The following DCC variants were observed in gnomAD, a reference collection of about 807,000 sequenced individuals.
The protein encoded by DCC is netrin receptor DCC.
In DCC, 58 loss-of-function variants were observed where a neutral mutation model predicts 172.5. That is an observed-to-expected ratio of 0.34 (90% CI 0.27 to 0.42). The LOEUF is 0.42. Ranked by LOEUF, DCC falls within the 10% of genes least tolerant of loss-of-function variation. The pLI is 1.00. For synonymous variants in DCC, 709 were observed against 644.5 expected (o/e 1.10, Z -1.52); for missense variants, 1,740 against 1,791.0 (o/e 0.97, Z 0.51).
rs549974327 is a variant in DCC, at chr18:53,307,933, A to G, written c.2053+2214A>G. On this transcript the variant is annotated intron_variant, in intron 13 of 28. Transcript: ENST00000442544. Reference sequence around the variant, plus strand: ...TATATATATATATATATATATATATATATATATATATATATATGTATTTTA... The same window carrying G: ...TATATATATATATATATATATATATGTATATATATATATATATGTATTTTA... 1.1e-4 allele frequency among the ~76,000 whole-genome samples: 12 copies of G among 106,902 alleles called. 1 individual carries two copies. The highest frequency in any genetic ancestry group is 2.7e-4 in the South Asian group (1 of 3,738). The allele number at this position is 106,902 out of a possible 152,430, so 70.1% of individuals were successfully genotyped here.
At chr18:53,441,108 T>C (rs546568204) in intron 22 of DCC, among the ~76,000 whole-genome samples, 39 of 152,280 alleles carry the variant, frequency 2.6e-4, no homozygotes, top group Admixed American at 9.8e-4. Flanking sequence ...AATTTCCCCC[T>C]TGGCAGGGAG....
chr18:53,377,978 AT>A (rs1026124625), intron 15 of DCC, among the ~76,000 whole-genome samples: 2 of 151,960 alleles, frequency 1.3e-5, no homozygotes, highest in African/African-American at 2.4e-5. Context: ...TAATTAATTT[AT>A]TTTTTTAAGA....
At chr18:53,068,778 T>TGTGTGTGTGTGC (rs2042610335) in intron 7 of DCC, among the ~76,000 whole-genome samples, 1 of 150,770 alleles carries the variant, frequency 6.6e-6, no homozygotes, top group Non-Finnish European at 1.5e-5. Flanking sequence ...AGACTGTGTG[T>TGTGTGTGTGTGC]GTGTGTGTGT....
chr18:52,646,282 C>T (rs1246644314), intron 1 of DCC, among the ~76,000 whole-genome samples: 3 of 152,226 alleles, frequency 2.0e-5, no homozygotes, highest in Non-Finnish European at 2.9e-5. Flanking sequence ...CTACATTTTA[C>T]ATGTATGCAT....
intron 1 of DCC, among the ~76,000 whole-genome samples, chr18:52,583,029 G>A (rs770396567): frequency 6.6e-6 from 1 of 152,032 alleles, no homozygotes; most frequent in Non-Finnish European, 1.5e-5. Flanking sequence ...GAGTATCTGA[G>A]AGACAGAAAA....
chr18:52,558,929 C>T (rs975768656), intron 1 of DCC, among the ~76,000 whole-genome samples: 1 of 152,070 alleles, frequency 6.6e-6, no homozygotes, highest in Non-Finnish European at 1.5e-5. Context: ...ACAAGGAAAC[C>T]GAGGTTGGGA....
chr18:53,446,628 C>T (rs1568137259), intron 22 of DCC, among the ~76,000 whole-genome samples: 1 of 152,094 alleles, frequency 6.6e-6, no homozygotes, highest in Admixed American at 6.5e-5. Flanking sequence ...TGTGAATTTA[C>T]CTGCATGCTA....
chr18:53,140,677 A>G (rs1267747211), intron 7 of DCC, among the ~76,000 whole-genome samples: 1 of 152,208 alleles, frequency 6.6e-6, no homozygotes, highest in Non-Finnish European at 1.5e-5. Context: ...CTAGTAATCA[A>G]GAGACAAAAA....
At chr18:53,395,757 C>G (rs543092635) in intron 17 of DCC, among the ~76,000 whole-genome samples, 7 of 152,166 alleles carry the variant, frequency 4.6e-5, no homozygotes, top group Non-Finnish European at 1.0e-4. Flanking sequence ...ATTCTCCTGT[C>G]TCAGCCTCCC....
intron 22 of DCC, among the ~76,000 whole-genome samples, chr18:53,443,351 A>G (rs1335419240): frequency 6.6e-6 from 1 of 152,206 alleles, no homozygotes; most frequent in Non-Finnish European, 1.5e-5. Context: ...AAATGGTGCA[A>G]CAAAGTCTGG....
At chr18:52,544,155 C>T (rs773793100) in intron 1 of DCC, among the ~76,000 whole-genome samples, 3 of 152,250 alleles carry the variant, frequency 2.0e-5, no homozygotes, top group South Asian at 2.1e-4. Flanking sequence ...TTATCCCACC[C>T]GTGCCTAAAA....
intron 1 of DCC, among the ~76,000 whole-genome samples, chr18:52,740,116 ACC>A (rs2036796032): frequency 1.3e-5 from 2 of 152,128 alleles, no homozygotes; most frequent in African/African-American, 4.8e-5. Flanking sequence ...TTCACATTAG[ACC>A]ATGAATAAGT....
chr18:52,626,248 C>G (rs976971207), intron 1 of DCC, among the ~76,000 whole-genome samples: 1 of 152,094 alleles, frequency 6.6e-6, no homozygotes, highest in African/African-American at 2.4e-5. Context: ...CCTCCAGGTG[C>G]CATATAGATG....
chr18:53,148,452 A>G (rs1223905346), intron 7 of DCC, among the ~76,000 whole-genome samples: 2 of 152,264 alleles, frequency 1.3e-5, no homozygotes, highest in African/African-American at 2.4e-5. Flanking sequence ...TGGGAATTCA[A>G]TGACATAAAC....
In DCC at chr18:52,340,662, C is replaced by CGAG. The variant is rs953905035; in HGVS notation, c.-114_-112dup. The CGAG allele has an allele frequency of 2.6e-6, 2 of 781,728 alleles. No homozygotes were observed. Among genetic ancestry groups the CGAG allele is most frequent in the Admixed American group, 1.7e-5 (1 of 58,660 alleles). The allele number at this position is 781,728 out of a possible 1,614,324, so 48.4% of individuals were successfully genotyped here. ...TGGAGAAAGAGGTGGAGGAAGAGGA[C>CGAG]GAGGAGGAGGAGGAAGCCGAAGGGG... On this transcript the variant is annotated 5_prime_UTR_variant, in exon 1 of 29. Transcript: ENST00000442544.
At chr18:52,775,951 C>G (rs944559222) in intron 2 of DCC, among the ~76,000 whole-genome samples, 1 of 152,220 alleles carries the variant, frequency 6.6e-6, no homozygotes, top group Non-Finnish European at 1.5e-5. Flanking sequence ...TCTTCCCTTC[C>G]CAGCACTCCT....
intron 9 of DCC, among the ~76,000 whole-genome samples, chr18:53,184,673 A>G (rs1205070786): frequency 1.3e-5 from 2 of 152,148 alleles, no homozygotes; most frequent in Non-Finnish European, 2.9e-5. Flanking sequence ...ATATGATAGC[A>G]AGATGTCACT....
intron 1 of DCC, among the ~76,000 whole-genome samples, chr18:52,360,266 C>G (rs1222288873): frequency 6.6e-6 from 1 of 152,204 alleles, no homozygotes; most frequent in Non-Finnish European, 1.5e-5. Context: ...TTTTCACTAA[C>G]AAGTTATAAG....
chr18:52,762,629 G>C (rs2037181416), intron 2 of DCC, among the ~76,000 whole-genome samples: 1 of 152,148 alleles, frequency 6.6e-6, no homozygotes, highest in African/African-American at 2.4e-5. Context: ...TTTGAGACCA[G>C]TCTGAGCAAC....
Sources: gnomAD v4.1 joint callset for allele counts (sites outside exome capture counted in the v4.1 genomes callset) on GRCh38, gnomAD v4.1.1 for gene constraint, MANE v1.5 for transcripts, NCBI Gene and HGNC (gene_info 2026-07-23, HGNC 2026-07-21) for gene names.